RASAL3: variants seen among roughly 807,000 people sequenced by gnomAD.
RASAL3 encodes RAS protein activator like-3.
Under a neutral mutation model 105.5 loss-of-function variants are expected in RASAL3, and 74 were observed. The observed-to-expected ratio is 0.70, with a 90% CI of 0.58 to 0.85. The LOEUF (loss-of-function observed/expected upper bound fraction) is 0.85, where lower values mean the gene tolerates loss of function less well. Among genes scored for constraint, RASAL3 ranks in the 40% least tolerant of loss-of-function variants. The probability of loss-of-function intolerance (pLI) is 0.00; values close to 1 mark genes in which losing one functional copy is unlikely to be tolerated. For missense variants in RASAL3, 1,352 were observed against 1,392.0 expected, an observed-to-expected ratio of 0.97 and a Z score of 0.46; for synonymous variants, 579 against 591.6, an observed-to-expected ratio of 0.98 and a Z score of 0.31.
intron 16 of RASAL3, 50 bp from the exon 17 acceptor site, chr19:15,452,158 T>G: frequency 6.3e-7 from 1 of 1,594,114 alleles, no homozygotes; most frequent in Non-Finnish European, 8.6e-7. Context: ...AGGAAGTCCC[T>G]TCCAGCTCCT....
Position 15,457,821 on chromosome 19 carries a change from C to A in RASAL3, c.902G>T (p.Arg301Leu). The A allele has an allele frequency of 6.5e-7, 1 of 1,548,968 alleles. No homozygotes were observed. Among genetic ancestry groups the A allele is most frequent in the Admixed American group, 2.0e-5 (1 of 51,040 alleles). Residue 301 changes from arginine (R) to leucine (L), a missense_variant, in exon 9 of 18, where the codon CGG becomes CTG. Physicochemically the swap from Arg to Leu is moderately radical, Grantham distance 102. Around this residue, in one of 3 missense-constraint regions of RASAL3, gnomAD observed 88 missense variants for 132.7 expected, o/e 0.66. Coordinates refer to ENST00000343625, the MANE Select transcript of RASAL3 (RefSeq NM_022904.3). The surrounding 1 kb of genome is among the most constrained non-coding windows in gnomAD (Gnocchi z 8.6). ...QFQPTQDNVE[R>L]EETWLSVWVH... ...CCACACGCTCAGCCATGTCTCTTCCCGCTCCACGTTGTCCTGCAGATGGGA... is the reference window on the plus strand; with the variant it reads ...CCACACGCTCAGCCATGTCTCTTCCAGCTCCACGTTGTCCTGCAGATGGGA...
At position 15,457,674 on chromosome 19, in the gene RASAL3, A is replaced by C; in HGVS notation, c.1049T>G (p.Phe350Cys). Reference sequence around the variant, plus strand: ...CTCGAAGTGGAAGCGCTCGGCCCAGAAGAGCTGGCCTGGGCCGGCCCGAGG... The same window carrying C: ...CTCGAAGTGGAAGCGCTCGGCCCAGCAGAGCTGGCCTGGGCCGGCCCGAGG... ...TAPRAGPGQL[F>C]WAERFHFEAL... The change falls in exon 9 of 18, where the codon TTC becomes TGC. Residue 350 changes from phenylalanine (F) to cysteine (C), a missense_variant. Coordinates refer to ENST00000343625, the MANE Select transcript of RASAL3 (RefSeq NM_022904.3). This position sits in a 1 kb window ranked among gnomAD's most constrained non-coding sequence, Gnocchi z 8.6. 2.1e-6 allele frequency: 3 copies of C among 1,450,608 alleles called. No individual in the cohort carries two copies. The highest frequency in any genetic ancestry group is 2.7e-6 in the Non-Finnish European group (3 of 1,103,690). 89.9% of individuals were successfully genotyped at this position (1,450,608 alleles called of 1,614,324 possible).
At position 15,456,486 on chromosome 19, in the gene RASAL3, C is replaced by A; in HGVS notation, c.1576+16G>T. ...CTCACCAGCAGGCCGCTGACATGGA[C>A]TCTCCCCCAGCTCACCCAGGGTCTC... is the stretch of plus-strand genomic sequence containing the variant. On this transcript the variant is annotated intron_variant, in intron 10 of 17. Transcript: ENST00000343625. The surrounding 1 kb of genome is among the most constrained non-coding windows in gnomAD (Gnocchi z 4.4). 1 of 1,613,144 alleles carries A rather than the reference C, an allele frequency of 6.2e-7. No individual in the cohort carries two copies. Among genetic ancestry groups the A allele is most frequent in the Non-Finnish European group, 8.5e-7 (1 of 1,179,500 alleles).
Position 15,451,757 on chromosome 19 carries a change from T to TA in RASAL3, c.*37_*38insT. On this transcript the variant is annotated 3_prime_UTR_variant, in exon 18 of 18. Transcript: ENST00000343625. ...ACCCCCCCTAAGATGGCTATCTCTCTGCTCCCAGACCACGTGTGATGAGGC... is the reference window on the plus strand; with the variant it reads ...ACCCCCCCTAAGATGGCTATCTCTCTAGCTCCCAGACCACGTGTGATGAGGC... 6.4e-7 allele frequency: 1 copy of TA among 1,561,230 alleles called. No individual in the cohort carries two copies. The highest frequency in any genetic ancestry group is 8.7e-7 in the Non-Finnish European group (1 of 1,146,912).
At chr19:15,452,951 G>A (rs1970205278) in intron 15 of RASAL3, 136 bp from the exon 16 acceptor site, 3 of 1,464,610 alleles carry the variant, frequency 2.0e-6, no homozygotes, top group Non-Finnish European at 2.8e-6. Flanking sequence ...CTGCGGTACA[G>A]CTGGGGAGAC....
chr19:15,451,974 G>A (rs1970164747), intron 17 of RASAL3, 36 bp from the exon 18 acceptor site: 2 of 1,613,110 alleles, frequency 1.2e-6, no homozygotes, highest in South Asian at 1.1e-5. Context: ...CAGAAACCAG[G>A]AGAGGGCTGC....
Position 15,453,545 on chromosome 19 carries a change from G to T in RASAL3, c.2280-48C>A. 1 of 1,462,310 alleles carries T rather than the reference G, an allele frequency of 6.8e-7. No individual in the cohort carries two copies. Among genetic ancestry groups the T allele is most frequent in the South Asian group, 1.4e-5 (1 of 73,466 alleles). 90.6% of individuals were successfully genotyped at this position (1,462,310 alleles called of 1,614,324 possible). A position where few individuals can be genotyped will look rare whatever the true frequency, so the allele number is the denominator to read the frequency against. The stretch of plus-strand genomic sequence containing the variant: ...TAGACCCTCCACTGGCCCCTGAGAC[G>T]ACCCCATCCCGACCTGACCAGAAGT... On this transcript the variant is annotated intron_variant, in intron 14 of 17. Transcript: ENST00000343625. The surrounding 1 kb of genome is among the most constrained non-coding windows in gnomAD (Gnocchi z 4.2).
Position 15,457,596 on chromosome 19 carries a change from C to T in RASAL3, c.1127G>A (p.Gly376Glu). The change falls in exon 9 of 18, where the codon GGA (glycine) becomes GAA (glutamate). Residue 376 changes from glycine to glutamate, a missense_variant. By Grantham distance (98) the Gly-to-Glu change is moderately conservative. Coordinates refer to ENST00000343625, the MANE Select transcript of RASAL3 (RefSeq NM_022904.3). The surrounding 1 kb of genome is among the most constrained non-coding windows in gnomAD (Gnocchi z 8.6). ...LSLRLRGLGP[G>E]SAVLGRVALA... ...GGCCACGCGGCCCAGCACCGCGCTT[C>T]CCGGGCCCAAGCCGCGCAGCCGCAG... The T allele has an allele frequency of 7.5e-7, 1 of 1,328,688 alleles. No individual in the cohort carries two copies. The highest frequency in any genetic ancestry group is 1.5e-5 in the South Asian group (1 of 68,136). The allele number at this position is 1,328,688 out of a possible 1,614,324, so 82.3% of individuals were successfully genotyped here. A position where few individuals can be genotyped will look rare whatever the true frequency, so the allele number is the denominator to read the frequency against.
rs1362409485 is a variant in RASAL3, at chr19:15,457,874, G to A, written c.889-40C>T. ...GGGATGGGGGGAAGCGTTTTGGTTT[G>A]TTGGCACCCCAAAGAAGGCACCGCA... On this transcript the variant is annotated intron_variant, in intron 8 of 17. Coordinates refer to ENST00000343625, the MANE Select transcript of RASAL3 (RefSeq NM_022904.3). This position sits in a 1 kb window ranked among gnomAD's most constrained non-coding sequence, Gnocchi z 8.6. 6.5e-7 allele frequency: 1 copy of A among 1,543,306 alleles called. No individual in the cohort carries two copies. The highest frequency in any genetic ancestry group is 8.7e-7 in the Non-Finnish European group (1 of 1,144,364).
Position 15,456,501 on chromosome 19 carries a change from C to T in RASAL3, c.1576+1G>A. The T allele has an allele frequency of 6.2e-7, 1 of 1,613,588 alleles. No individual in the cohort carries two copies. Among genetic ancestry groups the T allele is most frequent in the Non-Finnish European group, 8.5e-7 (1 of 1,179,732 alleles). ...CTGACATGGACTCTCCCCCAGCTCA[C>T]CCAGGGTCTCCTGGAGGTAATCCTG... is the stretch of plus-strand genomic sequence containing the variant. On this transcript the variant is annotated splice_donor_variant, in intron 10 of 17. Transcript: ENST00000343625. LOFTEE classifies it high-confidence loss of function. The surrounding 1 kb of genome is among the most constrained non-coding windows in gnomAD (Gnocchi z 4.4).
rs1158156488 is a variant in RASAL3 at position 15,456,656 on chromosome 19, G to A, written c.1432-10C>T. On this transcript the variant is annotated splice_polypyrimidine_tract_variant and intron_variant, in intron 9 of 17. Coordinates refer to ENST00000343625, the MANE Select transcript of RASAL3 (RefSeq NM_022904.3). The surrounding 1 kb of genome is among the most constrained non-coding windows in gnomAD (Gnocchi z 4.4). ...GGTCAGTCACCAGCGCCTAGGAAGG[G>A]CAGGAGGTCAGGTTGCACCAGATGC... 1.2e-6 allele frequency: 2 copies of A among 1,609,770 alleles called. No homozygotes were observed. Among genetic ancestry groups the A allele is most frequent in the Non-Finnish European group, 1.7e-6 (2 of 1,178,940 alleles).
chr19:15,458,202 C>A, intron 8 of RASAL3, 126 bp downstream of exon 8: 1 of 835,456 alleles, frequency 1.2e-6, no homozygotes, highest in Non-Finnish European at 1.9e-6. Flanking sequence ...GCCGTTGCAA[C>A]GATGCAGGCG....
At chr19:15,460,932 T>C (rs550563387) in intron 5 of RASAL3, 128 bp downstream of exon 5, 1 of 794,560 alleles carries the variant, frequency 1.3e-6, no homozygotes, top group Non-Finnish European at 2.1e-6. Flanking sequence ...TTTGACAGAC[T>C]GGGACTCTGA....
chr19:15,457,880 A>AC lies in RASAL3; in HGVS notation c.889-47dup, dbSNP rs1297482120. The AC allele has an allele frequency of 2.6e-6, 4 of 1,540,696 alleles. No homozygotes were observed. The South Asian group carries it at 4.8e-5, about 18-fold the overall frequency. Reference sequence around the variant, plus strand: ...GGGGGAAGCGTTTTGGTTTGTTGGCACCCCAAAGAAGGCACCGCAAGTGAA... The same window carrying AC: ...GGGGGAAGCGTTTTGGTTTGTTGGCACCCCCAAAGAAGGCACCGCAAGTGAA... On this transcript the variant is annotated intron_variant, in intron 8 of 17. Coordinates refer to ENST00000343625, the MANE Select transcript of RASAL3 (RefSeq NM_022904.3). This position sits in a 1 kb window ranked among gnomAD's most constrained non-coding sequence, Gnocchi z 8.6.
intron 15 of RASAL3, 124 bp from the exon 16 acceptor site, chr19:15,452,939 T>TC: frequency 6.9e-7 from 1 of 1,456,160 alleles, no homozygotes; most frequent in Non-Finnish European, 9.2e-7. Flanking sequence ...GGAACATCCC[T>TC]CCTGCGGTAC....
intron 6 of RASAL3, among the ~76,000 whole-genome samples, chr19:15,459,264 G>T (rs150348712): frequency 3.8e-4 from 14 of 37,316 alleles, no homozygotes; most frequent in African/African-American, 1.1e-3. Flanking sequence ...TTTATTTATT[G>T]AGATGGAGTC....
Position 15,461,598 on chromosome 19 carries a change from G to C in RASAL3, c.338C>G (p.Pro113Arg). The change falls in exon 3 of 18, where the codon CCG becomes CGG. Residue 113 changes from proline (P) to arginine (R), a missense_variant. Coordinates refer to ENST00000343625, the MANE Select transcript of RASAL3 (RefSeq NM_022904.3). ...EPEQEAPELE[P>R]EPELEPPTPQ... is the part of the protein sequence containing the mutation. ...GGTAGGGGGCTCCAGCTCTGGCTCC[G>C]GCTCCAGCTCTGGGAAGAAGAGGAG... The C allele has an allele frequency of 6.5e-7, 1 of 1,531,300 alleles. No homozygotes were observed. The highest frequency in any genetic ancestry group is 8.7e-7 in the Non-Finnish European group (1 of 1,144,860). 94.9% of individuals were successfully genotyped at this position (1,531,300 alleles called of 1,614,324 possible).
intron 5 of RASAL3, among the ~76,000 whole-genome samples, chr19:15,460,600 T>C (rs1198321213): frequency 6.6e-6 from 1 of 152,182 alleles, no homozygotes; most frequent in East Asian, 1.9e-4. Flanking sequence ...CAGGCTGGTC[T>C]TGAACTCCTG....
In RASAL3 at chr19:15,464,219, C is replaced by A. The variant is rs1470763236; in HGVS notation, c.140G>T (p.Gly47Val). 1 of 1,609,490 alleles carries A rather than the reference C, an allele frequency of 6.2e-7. No homozygotes were observed. Among genetic ancestry groups the A allele is most frequent in the Admixed American group, 1.7e-5 (1 of 59,464 alleles). Residue 47 changes from glycine (G) to valine (V), a missense_variant, in exon 2 of 18, where the codon GGC (glycine) becomes GTC (valine). Gly to Val is a moderately radical substitution (Grantham distance 109, BLOSUM62 -3). Around this residue, in one of 3 missense-constraint regions of RASAL3, gnomAD observed 344 missense variants for 339.6 expected, o/e 1.01. Transcript: ENST00000343625. ...GGGCTCCTGGTGGCTCAGGGCCCTG[C>A]CCCAGCCAGCAAAGCGGCCCCAGCG... ...GFRWGRFAGW[G>V]RALSHQEPMV...
Sources: allele counts gnomAD v4.1 joint callset (sites outside exome capture counted in the v4.1 genomes callset), GRCh38; gene constraint gnomAD v4.1.1; regional missense constraint gnomAD v4.1.1; non-coding constraint Gnocchi (gnomAD v3.1); transcripts MANE v1.5; gene names NCBI Gene and HGNC (gene_info 2026-07-23, HGNC 2026-07-21).